ATP2B2: variants seen among roughly 807,000 people sequenced by gnomAD.
ATP2B2 encodes the protein ATPase plasma membrane Ca2+ transporting 2.
In ATP2B2, 15 loss-of-function variants were observed where a neutral mutation model predicts 120.0. The ratio of observed to expected loss-of-function variants is 0.12; its 90% CI spans 0.08 to 0.19. The LOEUF (loss-of-function observed/expected upper bound fraction) is 0.19. ATP2B2 is among the 10% of genes least tolerant of loss of function. The pLI is 1.00. For missense variants in ATP2B2, 1,045 were observed against 1,719.8 expected (o/e 0.61, Z 6.94); for synonymous variants, 694 against 700.3 (o/e 0.99, Z 0.14).
intron 1 of ATP2B2, among the ~76,000 whole-genome samples, chr3:10,651,363 A>G (rs1326037836): frequency 6.6e-6 from 1 of 152,144 alleles, no homozygotes; most frequent in African/African-American, 2.4e-5. Flanking sequence ...GGTCTTTCCC[A>G]TGCTGTTCTG....
chr3:10,510,024 C>G (rs577181617), upstream of ATP2B2, among the ~76,000 whole-genome samples: 3 of 152,194 alleles, frequency 2.0e-5, no homozygotes, highest in Admixed American at 6.5e-5. Flanking sequence ...CCAGCAGGCC[C>G]CAGGGAAAAT....
chr3:10,545,022 C>T (rs1039870348), intron 2 of ATP2B2, among the ~76,000 whole-genome samples: 1 of 152,158 alleles, frequency 6.6e-6, no homozygotes, highest in Non-Finnish European at 1.5e-5. Flanking sequence ...ACTGTAATAT[C>T]GTCATGGCAG....
At chr3:10,622,046 C>T (rs1369258949) in intron 1 of ATP2B2, among the ~76,000 whole-genome samples, 1 of 152,198 alleles carries the variant, frequency 6.6e-6, no homozygotes, top group Non-Finnish European at 1.5e-5. Flanking sequence ...CCTGATGTCT[C>T]CCTGATGCCC....
chr3:10,459,786 C>A (rs986235966), intron 1 of ATP2B2, among the ~76,000 whole-genome samples: 1 of 152,230 alleles, frequency 6.6e-6, no homozygotes, highest in Non-Finnish European at 1.5e-5. Context: ...TCCTTCACAA[C>A]GATGCTTTGC....
At chr3:10,334,788 G>T (rs2060072890) in intron 22 of ATP2B2, among the ~76,000 whole-genome samples, 1 of 143,212 alleles carries the variant, frequency 7.0e-6, no homozygotes, top group Non-Finnish European at 1.5e-5. Context: ...GCTCCCACCA[G>T]CACACCGGGT....
At chr3:10,590,768 G>A (rs554997234) in intron 2 of ATP2B2, among the ~76,000 whole-genome samples, 3 of 152,206 alleles carry the variant, frequency 2.0e-5, no homozygotes, top group Admixed American at 6.5e-5. Context: ...CAACATCAGC[G>A]TGGAGGAAGA....
chr3:10,586,038 C>A (rs915354843), intron 2 of ATP2B2, among the ~76,000 whole-genome samples: 1 of 152,202 alleles, frequency 6.6e-6, no homozygotes, highest in Non-Finnish European at 1.5e-5. Flanking sequence ...CTTTGCCCAG[C>A]CTGTGTGTTC....
In ATP2B2 at chr3:10,359,081, G is replaced by A. The variant is rs574756959; in HGVS notation, c.1902-156C>T. ...CCAGGCAGGGTGAAATCAAGCATTC[G>A]TCCTGCAATTTTTGCCCAGGCCACT... On this transcript the variant is annotated intron_variant, in intron 13 of 22. Coordinates refer to ENST00000360273, the MANE Select transcript of ATP2B2 (RefSeq NM_001001331.4). Among the ~76,000 whole-genome samples the A allele has an allele frequency of 5.9e-5, 9 of 152,234 alleles. No individual in the cohort carries two copies. The South Asian group carries it at 1.2e-3, about 21-fold the overall frequency.
At chr3:10,589,360 A>G (rs1459924423) in intron 2 of ATP2B2, among the ~76,000 whole-genome samples, 1 of 152,216 alleles carries the variant, frequency 6.6e-6, no homozygotes, top group African/African-American at 2.4e-5. Flanking sequence ...GGAGATATAG[A>G]GATGACTAAG....
chr3:10,501,446 C>A (rs957781452), intron 1 of ATP2B2, among the ~76,000 whole-genome samples: 3 of 151,018 alleles, frequency 2.0e-5, no homozygotes, highest in Non-Finnish European at 2.9e-5. Flanking sequence ...TCACGGCTCA[C>A]TGCAGCCTTG....
intron 1 of ATP2B2, among the ~76,000 whole-genome samples, chr3:10,659,952 A>T (rs964851209): frequency 6.6e-6 from 1 of 152,160 alleles, no homozygotes; most frequent in African/African-American, 2.4e-5. Flanking sequence ...CTCACTCAAA[A>T]CTGCTCAACT....
chr3:10,645,687 G>T (rs1450522369), intron 1 of ATP2B2, among the ~76,000 whole-genome samples: 2 of 152,214 alleles, frequency 1.3e-5, no homozygotes, highest in Non-Finnish European at 2.9e-5. Context: ...AATTGAGTCT[G>T]CATCTGTCTC....
intron 2 of ATP2B2, among the ~76,000 whole-genome samples, chr3:10,538,928 G>C (rs566977720): frequency 6.6e-6 from 1 of 152,192 alleles, no homozygotes; most frequent in African/African-American, 2.4e-5. Flanking sequence ...AAAAGAGGAA[G>C]TCAAATTGTC....
At chr3:10,685,626 GC>G (rs1199578232) in intron 1 of ATP2B2, among the ~76,000 whole-genome samples, 3 of 152,210 alleles carry the variant, frequency 2.0e-5, no homozygotes, top group Non-Finnish European at 2.9e-5. Flanking sequence ...CACTGGCCAA[GC>G]AATGTGCCAT....
At chr3:10,396,716 T>C (rs947005602) in intron 5 of ATP2B2, among the ~76,000 whole-genome samples, 2 of 152,028 alleles carry the variant, frequency 1.3e-5, no homozygotes, top group African/African-American at 4.8e-5. Context: ...AGGAGTTGGA[T>C]GATGAAGAGG....
intron 1 of ATP2B2, among the ~76,000 whole-genome samples, chr3:10,452,557 T>C (rs981432705): frequency 3.3e-5 from 5 of 152,082 alleles, no homozygotes; most frequent in Non-Finnish European, 7.4e-5. Flanking sequence ...AAAATCCAAA[T>C]GGCAGGAGTA....
chr3:10,490,087 G>C (rs2065877816), intron 1 of ATP2B2, among the ~76,000 whole-genome samples: 1 of 152,216 alleles, frequency 6.6e-6, no homozygotes, highest in African/African-American at 2.4e-5. Context: ...CCCTCTTGAG[G>C]TTGCCCCCTG....
chr3:10,627,298 C>T (rs1200031387), intron 1 of ATP2B2, among the ~76,000 whole-genome samples: 3 of 152,324 alleles, frequency 2.0e-5, no homozygotes, highest in African/African-American at 2.4e-5. Flanking sequence ...GGCTCCATCT[C>T]GCTCTGCCTT....
intron 3 of ATP2B2, among the ~76,000 whole-genome samples, chr3:10,526,867 A>ATGG (rs750284494): frequency 2.0e-5 from 3 of 152,088 alleles, no homozygotes; most frequent in Non-Finnish European, 2.9e-5. Context: ...GATAGTGATG[A>ATGG]TGGTGGTGGT....
Sources: gnomAD v4.1 joint callset for allele counts (sites outside exome capture counted in the v4.1 genomes callset) on GRCh38, gnomAD v4.1.1 for gene constraint, MANE v1.5 for transcripts, NCBI Gene and HGNC (gene_info 2026-07-23, HGNC 2026-07-21) for gene names.